Variants in CENPF observed in about 807,000 individuals in gnomAD.
The protein encoded by CENPF is AH antigen.
Under a neutral mutation model 307.3 loss-of-function variants are expected in CENPF, and 214 were observed. The observed-to-expected ratio is 0.70, with a 90% CI of 0.62 to 0.78. The LOEUF is 0.78. CENPF is among the 30% of genes least tolerant of loss of function. CENPF has a pLI of 0.00. For missense variants in CENPF, 3,401 were observed against 3,483.9 expected, an observed-to-expected ratio of 0.98 and a Z score of 0.60; for synonymous variants, 1,259 against 1,270.6, an observed-to-expected ratio of 0.99 and a Z score of 0.19.
rs367836265 is a variant in CENPF at position 214,645,662 on chromosome 1, C to T, written c.6092C>T (p.Thr2031Ile). 1.1e-5 allele frequency: 17 copies of T among 1,614,024 alleles called. No individual in the cohort carries two copies. Among genetic ancestry groups the T allele is most frequent in the Non-Finnish European group, 1.4e-5 (17 of 1,180,012 alleles). Reference sequence around the variant, plus strand: ...GTGAGTGAGCTGTTAAAAGACAAAACTCATCTCCAGGAAAAGCTGCAGAGT... The same window carrying T: ...GTGAGTGAGCTGTTAAAAGACAAAATTCATCTCCAGGAAAAGCTGCAGAGT... ...SDVSELLKDK[T>I]HLQEKLQSLE... Residue 2031 changes from threonine (T) to isoleucine (I), a missense_variant, in exon 13 of 20, where the codon ACT becomes ATT. Coordinates refer to ENST00000366955, the MANE Select transcript of CENPF (RefSeq NM_016343.4).
chr1:214,628,519 C>G (rs545359023), intron 7 of CENPF, among the ~76,000 whole-genome samples: 25 of 152,330 alleles, frequency 1.6e-4, no homozygotes, highest in African/African-American at 6.0e-4. Flanking sequence ...TCTTGGCTCA[C>G]TGCAACCCCT....
chr1:214,643,426 T>C (rs1215601023), intron 12 of CENPF, 102 bp downstream of exon 12: 1 of 1,087,626 alleles, frequency 9.2e-7, no homozygotes, highest in Non-Finnish European at 1.2e-6. Context: ...TAAGTTAAAA[T>C]ATTTTTAGGG....
At chr1:214,618,434 T>C in intron 3 of CENPF, 139 bp from the exon 4 acceptor site, 1 of 1,044,138 alleles carries the variant, frequency 9.6e-7, no homozygotes, top group Non-Finnish European at 1.4e-6. Flanking sequence ...GAAATGCCTG[T>C]TGGATAAATG....
At chr1:214,607,547 A>G (rs1293652411) in intron 1 of CENPF, among the ~76,000 whole-genome samples, 1 of 152,014 alleles carries the variant, frequency 6.6e-6, no homozygotes, top group Non-Finnish European at 1.5e-5. Context: ...CGAGGACCCC[A>G]CCTCCCCAGG....
chr1:214,655,302 T>C lies in CENPF; in HGVS notation c.8384T>C (p.Met2795Thr). The C allele has an allele frequency of 1.2e-6, 2 of 1,608,764 alleles. No individual in the cohort carries two copies. The change falls in exon 17 of 20, where the codon ATG (methionine) becomes ACG (threonine). Residue 2795 changes from methionine (M) to threonine (T), a missense_variant. Coordinates refer to ENST00000366955, the MANE Select transcript of CENPF (RefSeq NM_016343.4). ...KKENERAQGK[M>T]KLLIKSCKQL... ...GAAAATGAACGTGCCCAGGGGAAAA[T>C]GAAGTTGTTGATCAAATCCTGTAAA... is the stretch of plus-strand genomic sequence containing the variant.
chr1:214,655,085 G>A, intron 16 of CENPF, 156 bp from the exon 17 acceptor site: 1 of 471,894 alleles, frequency 2.1e-6, no homozygotes, highest in Non-Finnish European at 3.6e-6. Context: ...AAACTGAGTA[G>A]AGAACGTGAA....
intron 1 of CENPF, among the ~76,000 whole-genome samples, chr1:214,607,970 C>G (rs1401225118): frequency 6.6e-6 from 1 of 152,206 alleles, no homozygotes; most frequent in African/African-American, 2.4e-5. Flanking sequence ...GGGGCCCCAG[C>G]CACACGTGCA....
chr1:214,629,209 GC>G, intron 8 of CENPF, 38 bp downstream of exon 8: 1 of 1,521,780 alleles, frequency 6.6e-7, no homozygotes, highest in Non-Finnish European at 8.8e-7. Flanking sequence ...TGTCTGAAAG[GC>G]TTTTTATGGG....
chr1:214,615,290 A>G (rs770409541), intron 3 of CENPF: 46 of 238,206 alleles, frequency 1.9e-4, no homozygotes, highest in Non-Finnish European at 3.3e-4. Context: ...TTCATTCAGT[A>G]TATGTTTATT....
chr1:214,639,839 AGGGGGCG>A, intron 11 of CENPF, 75 bp from the exon 12 acceptor site: 1 of 784,748 alleles, frequency 1.3e-6, no homozygotes, highest in Non-Finnish European at 1.8e-6. Context: ...GGATTTTGCC[AGGGGGCG>A]GGGGGAGGGG....
rs1327579130 is a variant in CENPF at position 214,647,025 on chromosome 1, G to T, written c.7455G>T (p.Leu2485Phe). 1.2e-6 allele frequency: 2 copies of T among 1,613,852 alleles called. No individual in the cohort carries two copies. The highest frequency in any genetic ancestry group is 1.7e-6 in the Non-Finnish European group (2 of 1,179,956). The change falls in exon 13 of 20, where the codon TTG becomes TTT. Residue 2485 changes from leucine (L) to phenylalanine (F), a missense_variant. Physicochemically the swap from Leu to Phe is conservative, Grantham distance 22. Coordinates refer to ENST00000366955, the MANE Select transcript of CENPF (RefSeq NM_016343.4). ...VECLELEKAQ[L>F]LQGLDEAKNN... The stretch of plus-strand genomic sequence containing the variant: ...GTCTTGAACTTGAGAAGGCTCAGTT[G>T]CTACAAGGCCTTGATGAGGCCAAAA...
rs756051058 is a variant in CENPF, at chr1:214,646,282, A to G, written c.6712A>G (p.Ser2238Gly). The G allele has an allele frequency of 8.1e-6, 13 of 1,614,122 alleles. No homozygotes were observed. Among genetic ancestry groups the G allele is most frequent in the Non-Finnish European group, 1.1e-5 (13 of 1,180,008 alleles). Residue 2238 changes from serine to glycine, a missense_variant, in exon 13 of 20, where the codon AGT (serine) becomes GGT (glycine). By Grantham distance (56) the Ser-to-Gly change is moderately conservative (BLOSUM62 0). Transcript: ENST00000366955. ...ELDKLLSSFK[S>G]LLEEKEQAEI... Reference sequence around the variant, plus strand: ...AGACAAGTTACTCTCTTCATTTAAAAGTCTGTTAGAAGAAAAGGAGCAAGC... The same window carrying G: ...AGACAAGTTACTCTCTTCATTTAAAGGTCTGTTAGAAGAAAAGGAGCAAGC...
chr1:214,658,866 G>T lies in CENPF; in HGVS notation c.8979G>T (p.Pro2993=), dbSNP rs1284259966. Residue 2993 remains proline, a synonymous_variant, in exon 19 of 20, where the codon CCG becomes CCT. Transcript: ENST00000366955. The stretch of plus-strand genomic sequence containing the variant: ...TGCCCTTAGGGTTTGCTGACATCCC[G>T]ACAGGAAAGACTAGCCCATATATCC... The part of the protein sequence containing the change: ...EVVKKGFADI[P]TGKTSPYILR... 6.2e-7 allele frequency: 1 copy of T among 1,613,920 alleles called. No individual in the cohort carries two copies. The highest frequency in any genetic ancestry group is 1.3e-5 in the African/African-American group (1 of 74,984).
chr1:214,645,444 T>G lies in CENPF; in HGVS notation c.5874T>G (p.Ser1958Arg). 1 of 1,613,528 alleles carries G rather than the reference T, an allele frequency of 6.2e-7. No homozygotes were observed. The highest frequency in any genetic ancestry group is 8.5e-7 in the Non-Finnish European group (1 of 1,179,878). Residue 1958 changes from serine to arginine, a missense_variant, in exon 13 of 20, where the codon AGT (serine) becomes AGG (arginine). Physicochemically the swap from Ser to Arg is moderately radical, Grantham distance 110 (BLOSUM62 -1). Coordinates refer to ENST00000366955, the MANE Select transcript of CENPF (RefSeq NM_016343.4). Reference protein sequence around the residue: ...CLEEELSVVTSERNQLRGELD... With the variant: ...CLEEELSVVTRERNQLRGELD... ...AAGAAGAACTCTCAGTGGTCACAAG[T>G]GAGAGAAACCAGCTTCGTGGAGAAT...
At chr1:214,616,148 A>G (rs1657330779) in intron 3 of CENPF, among the ~76,000 whole-genome samples, 1 of 152,128 alleles carries the variant, frequency 6.6e-6, no homozygotes, top group Admixed American at 6.6e-5. Flanking sequence ...AGATGCTTTT[A>G]GCTTTGTAGT....
chr1:214,646,283 G>C lies in CENPF; in HGVS notation c.6713G>C (p.Ser2238Thr). ...GACAAGTTACTCTCTTCATTTAAAA[G>C]TCTGTTAGAAGAAAAGGAGCAAGCA... Reference protein sequence around the residue: ...ELDKLLSSFKSLLEEKEQAEI... With the variant: ...ELDKLLSSFKTLLEEKEQAEI... The change falls in exon 13 of 20, where the codon AGT becomes ACT. Residue 2238 changes from serine to threonine, a missense_variant. By Grantham distance (58) the Ser-to-Thr change is moderately conservative. Transcript: ENST00000366955. 1 of 1,614,106 alleles carries C rather than the reference G, an allele frequency of 6.2e-7. No homozygotes were observed. Among genetic ancestry groups the C allele is most frequent in the Non-Finnish European group, 8.5e-7 (1 of 1,180,014 alleles).
intron 7 of CENPF, among the ~76,000 whole-genome samples, chr1:214,622,598 A>T (rs1657537874): frequency 6.6e-6 from 1 of 152,318 alleles, no homozygotes; most frequent in African/African-American, 2.4e-5. Flanking sequence ...TAGGCACTTA[A>T]TGGCACTTTA....
intron 1 of CENPF, chr1:214,605,688 C>A (rs76561183): frequency 0.047 from 74,641 of 1,588,804 alleles, 2,557 homozygotes; most frequent in Admixed American, 0.13. Flanking sequence ...GGCGAGCTGG[C>A]TGGCAGCTCC....
At chr1:214,608,526 G>A (rs1268059158) in intron 1 of CENPF, 2 of 1,611,814 alleles carry the variant, frequency 1.2e-6, no homozygotes, top group African/African-American at 2.7e-5. Context: ...CAGTCACGCA[G>A]CGAACATACA....
Sources: allele counts gnomAD v4.1 joint callset (sites outside exome capture counted in the v4.1 genomes callset), GRCh38; gene constraint gnomAD v4.1.1; transcripts MANE v1.5; gene names NCBI Gene and HGNC (gene_info 2026-07-23, HGNC 2026-07-21).